KCNIP4: variants seen among roughly 807,000 people sequenced by gnomAD.
KCNIP4 encodes Kv channel-interacting protein 4.
A neutral mutation model predicts 34.0 loss-of-function variants in KCNIP4; 12 were observed. The observed-to-expected ratio is 0.35, with a 90% CI of 0.23 to 0.57. The LOEUF (loss-of-function observed/expected upper bound fraction) is 0.57, where lower values mean the gene tolerates loss of function less well. Ranked by LOEUF, KCNIP4 falls within the 20% of genes least tolerant of loss-of-function variation. The pLI, the probability that KCNIP4 is intolerant of heterozygous loss-of-function variation, is 0.83. For synonymous variants in KCNIP4, 124 were observed against 102.2 expected, an observed-to-expected ratio of 1.21 and a Z score of -1.29; for missense variants, 238 against 311.7, an observed-to-expected ratio of 0.76 and a Z score of 1.78.
intron 2 of KCNIP4, among the ~76,000 whole-genome samples, chr4:20,881,611 T>C (rs1163951136): frequency 6.6e-6 from 1 of 152,196 alleles, no homozygotes; most frequent in Non-Finnish European, 1.5e-5. Flanking sequence ...GCTGAGGATT[T>C]CCTTTAGATA....
intron 5 of KCNIP4, among the ~76,000 whole-genome samples, chr4:20,746,173 T>C (rs1031551470): frequency 6.6e-6 from 1 of 152,148 alleles, no homozygotes; most frequent in Non-Finnish European, 1.5e-5. Context: ...GTGGCACATA[T>C]ACACCATGGA....
intron 1 of KCNIP4, chr4:21,697,730 A>C: frequency 8.8e-7 from 1 of 1,137,616 alleles, no homozygotes; most frequent in Non-Finnish European, 1.1e-6. Flanking sequence ...CACTTGTAGT[A>C]ACCCAGCTCT....
At chr4:20,826,933 A>C (rs192075032) in intron 3 of KCNIP4, among the ~76,000 whole-genome samples, 13 of 152,328 alleles carry the variant, frequency 8.5e-5, no homozygotes, top group Admixed American at 8.5e-4. Flanking sequence ...AGCCTGTGAT[A>C]GATGATCTTC....
chr4:20,963,310 G>C (rs1734030832), intron 1 of KCNIP4, among the ~76,000 whole-genome samples: 2 of 148,652 alleles, frequency 1.3e-5, no homozygotes, highest in South Asian at 2.2e-4. Flanking sequence ...CTGGGCGACA[G>C]AGCGAGACTC....
At chr4:21,334,618 CA>C (rs1367089073) in intron 1 of KCNIP4, among the ~76,000 whole-genome samples, 2 of 152,022 alleles carry the variant, frequency 1.3e-5, no homozygotes, top group African/African-American at 4.8e-5. Flanking sequence ...AATCTAACAT[CA>C]GAATGTTTTC....
intron 1 of KCNIP4, among the ~76,000 whole-genome samples, chr4:21,281,192 C>A (rs996055304): frequency 1.2e-4 from 18 of 149,942 alleles, no homozygotes; most frequent in Non-Finnish European, 2.7e-4. Flanking sequence ...GTTCAAGCAA[C>A]TCTCCTTCCT....
chr4:21,532,548 G>T (rs992591715), intron 1 of KCNIP4, among the ~76,000 whole-genome samples: 5 of 152,128 alleles, frequency 3.3e-5, no homozygotes, highest in African/African-American at 1.2e-4. Context: ...AATATGAACT[G>T]TAACACCACA....
intron 1 of KCNIP4, among the ~76,000 whole-genome samples, chr4:21,077,533 G>C (rs975392301): frequency 4.1e-5 from 6 of 145,118 alleles, no homozygotes; most frequent in Non-Finnish European, 8.8e-5. Flanking sequence ...CAATATTCAC[G>C]TTTCATAATC....
At chr4:21,646,401 T>C (rs1317040809) in intron 1 of KCNIP4, among the ~76,000 whole-genome samples, 1 of 152,142 alleles carries the variant, frequency 6.6e-6, no homozygotes, top group African/African-American at 2.4e-5. Context: ...CATTAATGAG[T>C]CAATATTGTT....
chr4:21,844,540 T>C (rs1253942873), intron 1 of KCNIP4: 3 of 152,096 alleles, frequency 2.0e-5, no homozygotes, highest in African/African-American at 7.2e-5. Context: ...AATTTCTAGA[T>C]TGCAGTACAA....
intron 1 of KCNIP4, among the ~76,000 whole-genome samples, chr4:21,354,546 A>G (rs967315546): frequency 2.6e-5 from 4 of 152,220 alleles, no homozygotes; most frequent in African/African-American, 9.6e-5. Context: ...CGAAAGAGAC[A>G]AAGAAGGCCA....
chr4:21,183,028 C>A (rs1457000729), intron 1 of KCNIP4, among the ~76,000 whole-genome samples: 1 of 152,078 alleles, frequency 6.6e-6, no homozygotes, highest in Non-Finnish European at 1.5e-5. Flanking sequence ...AGCTCCAGAC[C>A]CTGTTAATCA....
chr4:20,828,191 G>A (rs950569848), intron 3 of KCNIP4, among the ~76,000 whole-genome samples: 1 of 152,200 alleles, frequency 6.6e-6, no homozygotes, highest in Non-Finnish European at 1.5e-5. Flanking sequence ...CACTTTGGGA[G>A]GCCGAGGCGG....
rs555215276 is a variant in KCNIP4, at chr4:21,193,824, G to T, written c.62-311115C>A. Among the ~76,000 whole-genome samples, 122 of 152,216 alleles carry T rather than the reference G, an allele frequency of 8.0e-4. No homozygotes were observed. In the Middle Eastern group the frequency reaches 0.017, roughly 21 times the overall value. Reference sequence around the variant, plus strand: ...CTGACCTCGTGATCCACCCACCTCGGCCTCCCAAAGTGCTGGGATTACAGG... The same window carrying T: ...CTGACCTCGTGATCCACCCACCTCGTCCTCCCAAAGTGCTGGGATTACAGG... On this transcript the variant is annotated intron_variant, in intron 1 of 8. Coordinates refer to ENST00000382152, the MANE Select transcript of KCNIP4 (RefSeq NM_025221.6).
At chr4:20,814,882 C>T (rs1165108074) in intron 3 of KCNIP4, among the ~76,000 whole-genome samples, 1 of 152,114 alleles carries the variant, frequency 6.6e-6, no homozygotes, top group Non-Finnish European at 1.5e-5. Flanking sequence ...GTAGAAATAT[C>T]AGTCTTCATT....
intron 1 of KCNIP4, among the ~76,000 whole-genome samples, chr4:21,566,805 T>A (rs191692817): frequency 6.6e-6 from 1 of 152,048 alleles, no homozygotes; most frequent in African/African-American, 2.4e-5. Context: ...AGGATTCCTA[T>A]TGAACCAGAC....
chr4:21,125,175 T>A (rs959064226), intron 1 of KCNIP4, among the ~76,000 whole-genome samples: 10 of 147,072 alleles, frequency 6.8e-5, no homozygotes, highest in African/African-American at 1.5e-4. Context: ...GGGCTTTTTT[T>A]ATTTTATTTT....
chr4:21,018,878 T>TA (rs1387782412), intron 1 of KCNIP4, among the ~76,000 whole-genome samples: 1 of 152,214 alleles, frequency 6.6e-6, no homozygotes, highest in Non-Finnish European at 1.5e-5. Flanking sequence ...TGGATAGGGT[T>TA]AATTCTGAAT....
At chr4:21,775,855 C>T (rs1165064475) in intron 1 of KCNIP4, among the ~76,000 whole-genome samples, 1 of 152,198 alleles carries the variant, frequency 6.6e-6, no homozygotes, top group Non-Finnish European at 1.5e-5. Context: ...TGCCGCCCTT[C>T]CCCTGACCAG....
Sources: allele counts gnomAD v4.1 joint callset (sites outside exome capture counted in the v4.1 genomes callset), GRCh38; gene constraint gnomAD v4.1.1; transcripts MANE v1.5; gene names NCBI Gene and HGNC (gene_info 2026-07-23, HGNC 2026-07-21).